Variants in PCDHA2 observed in about 807,000 individuals in gnomAD.
PCDHA2 encodes protocadherin alpha 2, also known as protocadherin alpha-2.
Under a neutral mutation model 66.0 loss-of-function variants are expected in PCDHA2, and 58 were observed. The ratio of observed to expected loss-of-function variants is 0.88; its 90% CI spans 0.71 to 1.09. The LOEUF is 1.09. PCDHA2 is among the 50% of genes least tolerant of loss of function. The probability of loss-of-function intolerance (pLI) is 0.00; values close to 1 mark genes in which losing one functional copy is unlikely to be tolerated. For synonymous variants in PCDHA2, 634 were observed against 554.0 expected (o/e 1.14, Z -2.03); for missense variants, 1,267 against 1,242.3 (o/e 1.02, Z -0.30).
At position 140,843,683 on chromosome 5, in the gene PCDHA2, G is replaced by C. The variant is rs2150364990; in HGVS notation, c.2388+46331G>C. ...TCTGGGATCAGTTGATGTAGGCGAA[G>C]AGCAAGATTTAAATGTTGATCATGG... On this transcript the variant is annotated intron_variant, in intron 1 of 3. Coordinates refer to ENST00000526136, the MANE Select transcript of PCDHA2 (RefSeq NM_018905.3). 1.7e-5 allele frequency: 27 copies of C among 1,589,836 alleles called. 2 individuals are homozygous for C. The highest frequency in any genetic ancestry group is 1.7e-4 in the Middle Eastern group (1 of 6,012).
chr5:140,927,011 C>T, intron 1 of PCDHA2: 1 of 1,612,606 alleles, frequency 6.2e-7, no homozygotes, highest in Non-Finnish European at 8.5e-7. Context: ...GGCAATCTCT[C>T]CGCGGACTTG....
At chr5:140,960,064 T>G (rs1352718360) in intron 1 of PCDHA2, among the ~76,000 whole-genome samples, 1 of 152,208 alleles carries the variant, frequency 6.6e-6, no homozygotes, top group Admixed American at 6.5e-5. Flanking sequence ...TACAGAAGAT[T>G]CAATTGAAGT....
In PCDHA2 at chr5:140,855,846, C is replaced by T. The variant is rs112115141; in HGVS notation, c.2388+58494C>T. ...CATGGAATCGTACTTACACCTAAAG[C>T]CACCGGATGTCGCTGTCGTCCACAA... is the stretch of plus-strand genomic sequence containing the variant. On this transcript the variant is annotated intron_variant, in intron 1 of 3. Coordinates refer to ENST00000526136, the MANE Select transcript of PCDHA2 (RefSeq NM_018905.3). The T allele has an allele frequency of 3.0e-3, 1,971 of 647,788 alleles. 109 individuals are homozygous for T. In the African/African-American group the frequency reaches 0.032, roughly 11 times the overall value. The allele number at this position is 647,788 out of a possible 1,614,324, so 40.1% of individuals were successfully genotyped here.
intron 1 of PCDHA2, chr5:140,869,327 T>C: frequency 6.2e-7 from 1 of 1,613,922 alleles, no homozygotes; most frequent in Non-Finnish European, 8.5e-7. Context: ...GGGGACCTTC[T>C]GGAGGTAAAT....
At chr5:140,951,597 C>T (rs1445745403) in intron 1 of PCDHA2, among the ~76,000 whole-genome samples, 1 of 152,098 alleles carries the variant, frequency 6.6e-6, no homozygotes, top group East Asian at 1.9e-4. Flanking sequence ...ATCTCTCTCA[C>T]TGTTATGAGA....
At chr5:140,811,423 G>T (rs954337823) in intron 1 of PCDHA2, 22 of 152,276 alleles carry the variant, frequency 1.4e-4, no homozygotes, top group Admixed American at 6.5e-4. Context: ...GGACATTTGG[G>T]TTGGTTCCAA....
At chr5:140,964,658 G>T (rs2095846855) in intron 1 of PCDHA2, among the ~76,000 whole-genome samples, 1 of 151,968 alleles carries the variant, frequency 6.6e-6, no homozygotes, top group Admixed American at 6.6e-5. Context: ...AATGGGTGAG[G>T]ACACAGGCCA....
chr5:140,945,455 A>G (rs2093793181), intron 1 of PCDHA2, among the ~76,000 whole-genome samples: 1 of 152,192 alleles, frequency 6.6e-6, no homozygotes, highest in African/African-American at 2.4e-5. Flanking sequence ...AACTTCCCTA[A>G]AATTTGCATG....
At chr5:140,877,347 G>A (rs2057054618) in intron 1 of PCDHA2, 3 of 1,614,010 alleles carry the variant, frequency 1.9e-6, no homozygotes, top group Admixed American at 1.7e-5. Flanking sequence ...TCCACGTGGG[G>A]CTGTACACTG....
At chr5:140,820,889 C>T (rs2150108237) in intron 1 of PCDHA2, among the ~76,000 whole-genome samples, 4 of 151,672 alleles carry the variant, frequency 2.6e-5, no homozygotes, top group Non-Finnish European at 5.9e-5. Flanking sequence ...AGTGCAAAGA[C>T]GATTTACCAA....
rs782547925 is a variant in PCDHA2, at chr5:140,967,973, G to A, written c.2389-10976G>A. 4 of 1,614,170 alleles carry A rather than the reference G, an allele frequency of 2.5e-6. No individual in the cohort carries two copies. In the African/African-American group the frequency reaches 4.0e-5, roughly 16 times the overall value. On this transcript the variant is annotated intron_variant, in intron 1 of 3. Coordinates refer to ENST00000526136, the MANE Select transcript of PCDHA2 (RefSeq NM_018905.3). ...AGGCCCCAACCGGAAAGTGAGCCTG[G>A]GTCTGGAGGCCACACTGCCTTTCCG... is the stretch of plus-strand genomic sequence containing the variant.
intron 3 of PCDHA2, among the ~76,000 whole-genome samples, chr5:141,007,567 CA>C (rs1489201842): frequency 6.6e-6 from 1 of 151,954 alleles, no homozygotes; most frequent in Non-Finnish European, 1.5e-5. Flanking sequence ...GGCTCTATCT[CA>C]AATTTAAAAA....
Position 141,009,840 on chromosome 5 carries a change from A to T in PCDHA2, c.2750A>T (p.Lys917Met), listed in dbSNP as rs782270689. 1 of 1,614,186 alleles carries T rather than the reference A, an allele frequency of 6.2e-7. No individual in the cohort carries two copies. The highest frequency in any genetic ancestry group is 1.7e-5 in the Admixed American group (1 of 60,024). The change falls in exon 4 of 4, where the codon AAG (lysine) becomes ATG (methionine). Residue 917 changes from lysine (K) to methionine (M), a missense_variant. Lys to Met is a moderately conservative substitution (Grantham distance 95). Coordinates refer to ENST00000526136, the MANE Select transcript of PCDHA2 (RefSeq NM_018905.3). ...AGTGACTTCATAACCTTCGGCAAAA[A>T]GGAGGAGACCAAGAAAAAGAAGAAA... Reference protein sequence around the residue: ...DKSDFITFGKKEETKKKKKKK... With the variant: ...DKSDFITFGKMEETKKKKKKK...
chr5:140,933,666 T>C (rs1334972770), intron 1 of PCDHA2, among the ~76,000 whole-genome samples: 3 of 152,046 alleles, frequency 2.0e-5, no homozygotes, highest in Non-Finnish European at 4.4e-5. Context: ...TCTCTCTCTG[T>C]CTCTCTCACA....
At chr5:140,808,799 C>A (rs1207755540) in intron 1 of PCDHA2, 1 of 1,612,574 alleles carries the variant, frequency 6.2e-7, no homozygotes, top group East Asian at 2.2e-5. Context: ...GGTGACCGCT[C>A]GCGATGCCGG....
At chr5:140,803,470 T>C (rs1307758444) in intron 1 of PCDHA2, 1 of 1,613,888 alleles carries the variant, frequency 6.2e-7, no homozygotes, top group Non-Finnish European at 8.5e-7. Flanking sequence ...CAGCAGAGGG[T>C]GTGCTCTGGA....
rs2060245016 is a variant in PCDHA2 at position 140,884,536 on chromosome 5, G to C, written c.2388+87184G>C. 5 of 1,614,090 alleles carry C rather than the reference G, an allele frequency of 3.1e-6. No individual in the cohort carries two copies. In the East Asian group the frequency reaches 1.1e-4, roughly 36 times the overall value. ...GGTCGTACTCGCAGCAGAGGCGGCC[G>C]AGGGTGTGCTCTGGGGAGGGCCCGC... On this transcript the variant is annotated intron_variant, in intron 1 of 3. Transcript: ENST00000526136.
Position 140,969,025 on chromosome 5 carries a change from T to G in PCDHA2, c.2389-9924T>G, listed in dbSNP as rs1554231368. On this transcript the variant is annotated intron_variant, in intron 1 of 3. Transcript: ENST00000526136. ...TCTGTGGAGTAAGGGAAAGGTCCCC[T>G]GCAGAACTGTACAAACAAGCCAACA... The G allele has an allele frequency of 1.9e-6, 3 of 1,614,178 alleles. No individual in the cohort carries two copies. The East Asian group carries it at 6.7e-5, about 36-fold the overall frequency.
At chr5:140,824,259 T>A in intron 1 of PCDHA2, 2 of 1,319,982 alleles carry the variant, frequency 1.5e-6, no homozygotes, top group South Asian at 2.6e-5. Flanking sequence ...ATTATTGCAC[T>A]AATTCATGTA....
Sources: gnomAD v4.1 joint callset for allele counts (sites outside exome capture counted in the v4.1 genomes callset) on GRCh38, gnomAD v4.1.1 for gene constraint, MANE v1.5 for transcripts, NCBI Gene and HGNC (gene_info 2026-07-23, HGNC 2026-07-21) for gene names.